ABTB2: variants seen among roughly 807,000 people sequenced by gnomAD.
The protein encoded by ABTB2 is ankyrin repeat and BTB/POZ domain-containing protein 2.
Under a neutral mutation model 104.1 loss-of-function variants are expected in ABTB2, and 56 were observed. The ratio of observed to expected loss-of-function variants is 0.54; its 90% confidence interval spans 0.43 to 0.67. The LOEUF (loss-of-function observed/expected upper bound fraction) is 0.67, where lower values mean the gene tolerates loss of function less well. ABTB2 is among the 30% of genes least tolerant of loss of function. ABTB2 has a pLI of 0.00. For missense variants in ABTB2, 1,279 were observed against 1,407.7 expected (o/e 0.91, Z 1.46); for synonymous variants, 606 against 608.2 (o/e 1.00, Z 0.05).
At chr11:34,205,156 T>C (rs1035133225) in intron 1 of ABTB2, among the ~76,000 whole-genome samples, 1 of 152,226 alleles carries the variant, frequency 6.6e-6, no homozygotes, top group Admixed American at 6.5e-5. Context: ...TTTGTTTTCA[T>C]GCAGCTCAGG....
chr11:34,335,099 G>A, intron 1 of ABTB2: 2 of 1,073,180 alleles, frequency 1.9e-6, no homozygotes, highest in East Asian at 4.8e-5. Flanking sequence ...TACAGCAAAT[G>A]AATGGACATT....
At chr11:34,232,449 C>CAAAAAAAAAAAAAAA (rs67998044) in intron 1 of ABTB2, among the ~76,000 whole-genome samples, 4 of 115,392 alleles carry the variant, frequency 3.5e-5, no homozygotes, top group Non-Finnish European at 5.5e-5. Flanking sequence ...GACTCTGTCT[C>CAAAAAAAAAAAAAAA]AAAAAAAAAA....
At chr11:34,204,760 C>A in intron 1 of ABTB2, 70 bp from the exon 2 acceptor site, 1 of 1,524,472 alleles carries the variant, frequency 6.6e-7, no homozygotes, top group South Asian at 1.2e-5. Context: ...CAGCCTGCTG[C>A]AGGCAGGGCT....
At chr11:34,156,317 G>A (rs1852625821) in intron 14 of ABTB2, among the ~76,000 whole-genome samples, 2 of 152,330 alleles carry the variant, frequency 1.3e-5, no homozygotes, top group South Asian at 4.1e-4. Context: ...CAGCCTGGCA[G>A]TCCCTAGCAG....
intron 1 of ABTB2, among the ~76,000 whole-genome samples, chr11:34,214,503 A>G (rs953239479): frequency 5.9e-5 from 9 of 151,840 alleles, no homozygotes; most frequent in Non-Finnish European, 1.2e-4. Context: ...ATTTTTAGAT[A>G]AAGGAAAAAG....
At chr11:34,309,803 G>A (rs1199379785) in intron 1 of ABTB2, among the ~76,000 whole-genome samples, 1 of 151,524 alleles carries the variant, frequency 6.6e-6, no homozygotes, top group Non-Finnish European at 1.5e-5. Flanking sequence ...AAAAAAAAAA[G>A]ATGGGGAAAA....
intron 1 of ABTB2, among the ~76,000 whole-genome samples, chr11:34,331,371 A>G (rs745468606): frequency 1.3e-5 from 2 of 152,058 alleles, no homozygotes; most frequent in Non-Finnish European, 2.9e-5. Flanking sequence ...TGGAAAAACA[A>G]CCCCATCTGA....
chr11:34,215,078 A>G (rs1165179050), intron 1 of ABTB2, among the ~76,000 whole-genome samples: 1 of 152,178 alleles, frequency 6.6e-6, no homozygotes, highest in Non-Finnish European at 1.5e-5. Context: ...TTTCTGTGGC[A>G]TCTTGCTGAT....
In ABTB2 at chr11:34,200,960, T is replaced by C. The variant is rs537989603; in HGVS notation, c.1031-3422A>G. 2.0e-5 allele frequency among the ~76,000 whole-genome samples: 3 copies of C among 152,330 alleles called. No homozygotes were observed. The East Asian group carries it at 5.8e-4, about 29-fold the overall frequency. On this transcript the variant is annotated intron_variant, in intron 2 of 16. Coordinates refer to ENST00000435224, the MANE Select transcript of ABTB2 (RefSeq NM_145804.3). ...AAACTTACATAGCAATTGACAGTAA[T>C]TTTATATCTAGCTAATAATAATTTT...
chr11:34,324,804 A>G (rs967998796), intron 1 of ABTB2, among the ~76,000 whole-genome samples: 13 of 152,120 alleles, frequency 8.5e-5, no homozygotes, highest in African/African-American at 3.1e-4. Flanking sequence ...TCTGCCAAGA[A>G]AGCACAAAGA....
chr11:34,245,411 C>G (rs146698325), intron 1 of ABTB2, among the ~76,000 whole-genome samples: 317 of 152,322 alleles, frequency 2.1e-3, no homozygotes, highest in African/African-American at 7.2e-3. Flanking sequence ...GTATCCACTT[C>G]CGGCATCTTT....
intron 1 of ABTB2, among the ~76,000 whole-genome samples, chr11:34,319,937 G>C (rs1002350017): frequency 2.2e-4 from 34 of 152,300 alleles, no homozygotes; most frequent in African/African-American, 7.9e-4. Context: ...CAAAGGGCTA[G>C]GATTACAGGT....
chr11:34,159,654 ATGTTT>A (rs1852679804), intron 13 of ABTB2, among the ~76,000 whole-genome samples: 1 of 152,178 alleles, frequency 6.6e-6, no homozygotes, highest in Non-Finnish European at 1.5e-5. Context: ...CAGGATATTT[ATGTTT>A]TCTAATAATA....
intron 1 of ABTB2, among the ~76,000 whole-genome samples, chr11:34,289,613 G>A (rs1346611421): frequency 6.6e-6 from 1 of 152,100 alleles, no homozygotes; most frequent in Non-Finnish European, 1.5e-5. Context: ...TTTCTCATGA[G>A]CCCACAAACC....
chr11:34,347,424 A>C (rs1337787126), intron 1 of ABTB2, among the ~76,000 whole-genome samples: 3 of 149,992 alleles, frequency 2.0e-5, no homozygotes, highest in South Asian at 2.1e-4. Context: ...TGACAGAGTG[A>C]GACTTTGTGT....
intron 1 of ABTB2, among the ~76,000 whole-genome samples, chr11:34,231,206 G>A (rs1337450245): frequency 2.0e-5 from 3 of 152,126 alleles, no homozygotes; most frequent in African/African-American, 2.4e-5. Context: ...GGGCAAAGCC[G>A]GAACAATTTG....
chr11:34,251,344 G>T (rs2133069013), intron 1 of ABTB2, among the ~76,000 whole-genome samples: 1 of 152,348 alleles, frequency 6.6e-6, no homozygotes, highest in Middle Eastern at 3.4e-3. Flanking sequence ...TGCTCTGGCT[G>T]AGTGACAGCC....
At chr11:34,245,361 T>C (rs938406399) in intron 1 of ABTB2, among the ~76,000 whole-genome samples, 1 of 152,182 alleles carries the variant, frequency 6.6e-6, no homozygotes, top group South Asian at 2.1e-4. Flanking sequence ...GTTTTCCTCA[T>C]GGAGGAAATC....
intron 13 of ABTB2, 25 bp downstream of exon 13, chr11:34,159,881 G>C (rs754189449): frequency 1.9e-6 from 3 of 1,571,768 alleles, no homozygotes; most frequent in Non-Finnish European, 1.8e-6. Flanking sequence ...CCTGGGCTGG[G>C]AGTTTGTTAT....
Sources: allele counts gnomAD v4.1 joint callset (sites outside exome capture counted in the v4.1 genomes callset), GRCh38; gene constraint gnomAD v4.1.1; transcripts MANE v1.5; gene names NCBI Gene and HGNC (gene_info 2026-07-23, HGNC 2026-07-21).